Variants in PCDH17 observed in about 807,000 individuals in gnomAD.
PCDH17 encodes protocadherin 17, also known as protocadherin-17.
In PCDH17, 21 loss-of-function variants were observed where a neutral mutation model predicts 67.7. The ratio of observed to expected loss-of-function variants is 0.31; its 90% confidence interval spans 0.22 to 0.45. PCDH17 has a LOEUF of 0.45. Ranked by LOEUF, PCDH17 falls within the 20% of genes least tolerant of loss-of-function variation. PCDH17 has a pLI of 1.00. For missense variants in PCDH17, 1,471 were observed against 1,564.8 expected (o/e 0.94, Z 1.01); for synonymous variants, 701 against 656.7 (o/e 1.07, Z -1.03).
At chr13:57,712,103 C>G (rs1034876158) in intron 3 of PCDH17, among the ~76,000 whole-genome samples, 1 of 151,550 alleles carries the variant, frequency 6.6e-6, no homozygotes, top group South Asian at 2.1e-4. Context: ...ATCATAAATA[C>G]TTTTATCATT....
rs1043398227 is a variant in PCDH17 at position 57,726,919 on chromosome 13, C to G, written c.*1625C>G. 1.3e-5 allele frequency: 2 copies of G among 152,528 alleles called. No individual in the cohort carries two copies. The highest frequency in any genetic ancestry group is 4.8e-5 in the African/African-American group (2 of 41,418). 9.4% of individuals were successfully genotyped at this position (152,528 alleles called of 1,614,324 possible). ...CATTGTGTAGTGTTTTTCAAGAGGT[C>G]TGGGTCTTAACAAAATGTTTTCCTT... On this transcript the variant is annotated 3_prime_UTR_variant, in exon 4 of 4. Transcript: ENST00000377918.
In PCDH17 at chr13:57,664,491, G is replaced by GA. The variant is rs542508723; in HGVS notation, c.2566-1970dup. 1.5e-3 allele frequency among the ~76,000 whole-genome samples: 223 copies of GA among 152,142 alleles called. 2 individuals carry two copies. Among genetic ancestry groups the GA allele is most frequent in the African/African-American group, 5.3e-3 (221 of 41,530 alleles). ...AGATACTGTTCCTATCAGGACAAGA[G>GA]AAAAAAAGTTTCCCCAGACTATTTC... On this transcript the variant is annotated intron_variant, in intron 1 of 3. Coordinates refer to ENST00000377918, the MANE Select transcript of PCDH17 (RefSeq NM_001040429.3).
At chr13:57,718,148 A>T (rs1955838757) in intron 3 of PCDH17, among the ~76,000 whole-genome samples, 1 of 152,084 alleles carries the variant, frequency 6.6e-6, no homozygotes, top group Non-Finnish European at 1.5e-5. Flanking sequence ...AATGCTATAG[A>T]AGAATAGCTT....
Position 57,724,861 on chromosome 13 carries a change from A to T in PCDH17, c.3047A>T (p.Lys1016Ile), listed in dbSNP as rs776926307. Residue 1016 changes from lysine to isoleucine, a missense_variant, in exon 4 of 4, where the codon AAA (lysine) becomes ATA (isoleucine). Physicochemically the swap from Lys to Ile is moderately radical, Grantham distance 102 (BLOSUM62 -3). Transcript: ENST00000377918. ...CACACTATTCTCATTGCCAACGTTA[A>T]ACCTTATTTAAAAGCCAAACGTGCC... ...REHTILIANVKPYLKAKRALS... is the reference protein window; with the variant it reads ...REHTILIANVIPYLKAKRALS... 1 of 1,614,170 alleles carries T rather than the reference A, an allele frequency of 6.2e-7. No homozygotes were observed. The highest frequency in any genetic ancestry group is 2.2e-5 in the East Asian group (1 of 44,868).
chr13:57,686,411 G>A (rs141870851), intron 3 of PCDH17, among the ~76,000 whole-genome samples: 1 of 151,930 alleles, frequency 6.6e-6, no homozygotes, highest in African/African-American at 2.4e-5. Flanking sequence ...TAAGGGAGAA[G>A]CATAACATAA....
chr13:57,667,598 A>T (rs558551478), intron 3 of PCDH17, among the ~76,000 whole-genome samples: 2 of 151,998 alleles, frequency 1.3e-5, no homozygotes, highest in East Asian at 3.9e-4. Context: ...ACTGTAGTTG[A>T]TATAGTAACA....
intron 1 of PCDH17, among the ~76,000 whole-genome samples, chr13:57,650,261 T>TGTGTGTGTGTGTGTG: frequency 6.8e-6 from 1 of 146,562 alleles, no homozygotes; most frequent in Non-Finnish European, 1.5e-5. Flanking sequence ...TGTGTGTGTG[T>TGTGTGTGTGTGTGTG]AATAACAGAT....
intron 3 of PCDH17, among the ~76,000 whole-genome samples, chr13:57,710,783 G>A (rs763442233): frequency 4.0e-5 from 6 of 151,842 alleles, no homozygotes; most frequent in African/African-American, 9.7e-5. Flanking sequence ...TCTAAGAATC[G>A]CAATTTTTCT....
At chr13:57,697,556 T>A (rs911905385) in intron 3 of PCDH17, among the ~76,000 whole-genome samples, 4 of 151,628 alleles carry the variant, frequency 2.6e-5, no homozygotes, top group Non-Finnish European at 5.9e-5. Context: ...TTTAGGCTTG[T>A]AATAACATGT....
intron 3 of PCDH17, among the ~76,000 whole-genome samples, chr13:57,667,616 G>C (rs979301610): frequency 6.6e-6 from 1 of 151,736 alleles, no homozygotes; most frequent in Non-Finnish European, 1.5e-5. Flanking sequence ...ACAGTCTTCA[G>C]AACATTAGTA....
chr13:57,671,869 G>A (rs1369883118), intron 3 of PCDH17, among the ~76,000 whole-genome samples: 2 of 151,960 alleles, frequency 1.3e-5, no homozygotes, highest in African/African-American at 2.4e-5. Flanking sequence ...ACCCTTTTGG[G>A]TGGCCGGCCG....
chr13:57,721,395 C>T (rs980116312), intron 3 of PCDH17, among the ~76,000 whole-genome samples: 10 of 151,886 alleles, frequency 6.6e-5, no homozygotes, highest in African/African-American at 2.2e-4. Context: ...TATATGCAAA[C>T]GGTGGCTATC....
intron 3 of PCDH17, among the ~76,000 whole-genome samples, chr13:57,677,772 G>A (rs951504321): frequency 9.2e-5 from 14 of 151,780 alleles, no homozygotes; most frequent in Admixed American, 6.6e-4. Flanking sequence ...AAAGATAAGA[G>A]ATTTCAAAAG....
chr13:57,719,250 T>G (rs1955852091), intron 3 of PCDH17, among the ~76,000 whole-genome samples: 1 of 152,032 alleles, frequency 6.6e-6, no homozygotes, highest in Admixed American at 6.6e-5. Context: ...ACTACCACAG[T>G]AATAGGAGAA....
In PCDH17 at chr13:57,727,337, G is replaced by C. The variant is rs1013400645; in HGVS notation, c.*2043G>C. 1 of 152,536 alleles carries C rather than the reference G, an allele frequency of 6.6e-6. No homozygotes were observed. Among genetic ancestry groups the C allele is most frequent in the African/African-American group, 2.4e-5 (1 of 41,436 alleles). The allele number at this position is 152,536 out of a possible 1,614,324, so 9.4% of individuals were successfully genotyped here. A position where few individuals can be genotyped will look rare whatever the true frequency, so the allele number is the denominator to read the frequency against. Reference sequence around the variant, plus strand: ...GCCTTCTCTTCTGGCCACCAAGCCAGTGTAGAAACAGCAAAAATGTCATAA... The same window carrying C: ...GCCTTCTCTTCTGGCCACCAAGCCACTGTAGAAACAGCAAAAATGTCATAA... On this transcript the variant is annotated 3_prime_UTR_variant, in exon 4 of 4. Transcript: ENST00000377918.
At chr13:57,650,264 TAAC>T (rs1473348844) in intron 1 of PCDH17, among the ~76,000 whole-genome samples, 1 of 77,374 alleles carries the variant, frequency 1.3e-5, no homozygotes, top group Non-Finnish European at 2.6e-5. Context: ...GTGTGTGTAA[TAAC>T]AGATACTCCA....
chr13:57,667,774 T>C (rs919485120), intron 3 of PCDH17, among the ~76,000 whole-genome samples: 4 of 150,764 alleles, frequency 2.7e-5, no homozygotes, highest in East Asian at 1.9e-4. Flanking sequence ...TTCTATTATA[T>C]ATATACCTCA....
At position 57,701,786 on chromosome 13, in the gene PCDH17, T is replaced by G. The variant is rs771540462; in HGVS notation, c.2798-22826T>G. Reference sequence around the variant, plus strand: ...AATAATATATTTATAACATTTTTGCTTCAAATGTAAATGAATTCCATCCTC... The same window carrying G: ...AATAATATATTTATAACATTTTTGCGTCAAATGTAAATGAATTCCATCCTC... On this transcript the variant is annotated intron_variant, in intron 3 of 3. Coordinates refer to ENST00000377918, the MANE Select transcript of PCDH17 (RefSeq NM_001040429.3). Among the ~76,000 whole-genome samples, 64 of 152,166 alleles carry G rather than the reference T, an allele frequency of 4.2e-4. 1 individual carries two copies. Among genetic ancestry groups the G allele is most frequent in the Non-Finnish European group, 3.4e-4 (23 of 68,036 alleles).
At chr13:57,719,601 A>C (rs531973041) in intron 3 of PCDH17, among the ~76,000 whole-genome samples, 1 of 152,144 alleles carries the variant, frequency 6.6e-6, no homozygotes, top group South Asian at 2.1e-4. Context: ...ATGCTCTCTA[A>C]AATTTCCCTA....
Sources: allele counts gnomAD v4.1 joint callset (sites outside exome capture counted in the v4.1 genomes callset), GRCh38; gene constraint gnomAD v4.1.1; transcripts MANE v1.5; gene names NCBI Gene and HGNC (gene_info 2026-07-23, HGNC 2026-07-21).